Variants in ALK observed in about 807,000 individuals in gnomAD.
ALK encodes the protein ALK receptor tyrosine kinase.
In ALK, 74 loss-of-function variants were observed where a neutral mutation model predicts 163.1. The observed-to-expected ratio is 0.45, with a 90% CI of 0.38 to 0.55. ALK has a LOEUF of 0.55. ALK is among the 20% of genes least tolerant of loss of function. The pLI is 0.00. For synonymous variants in ALK, 960 were observed against 843.2 expected (o/e 1.14, Z -2.40); for missense variants, 2,063 against 2,105.3 (o/e 0.98, Z 0.39).
chr2:29,265,356 C>T (rs967685575), intron 11 of ALK, among the ~76,000 whole-genome samples: 1 of 152,134 alleles, frequency 6.6e-6, no homozygotes, highest in African/African-American at 2.4e-5. Context: ...AGTCCTACTC[C>T]TTAGCAGCGT....
At chr2:29,248,149 G>A (rs1348431973) in intron 12 of ALK, among the ~76,000 whole-genome samples, 3 of 152,084 alleles carry the variant, frequency 2.0e-5, no homozygotes, top group African/African-American at 7.2e-5. Flanking sequence ...ATCTGTTAGA[G>A]CCTTTATTTG....
chr2:29,856,176 TG>T (rs2148403843), intron 1 of ALK, among the ~76,000 whole-genome samples: 1 of 152,260 alleles, frequency 6.6e-6, no homozygotes, highest in South Asian at 2.1e-4. Context: ...AGAAAAAACT[TG>T]GGGTTGAATT....
intron 4 of ALK, among the ~76,000 whole-genome samples, chr2:29,524,391 G>A (rs77659238): frequency 0.015 from 2,318 of 152,312 alleles, 34 homozygotes; most frequent in Non-Finnish European, 0.02. Flanking sequence ...CAGGCGTGAC[G>A]CCAAGGTTCA....
chr2:29,404,795 T>C (rs1429827060), intron 4 of ALK, among the ~76,000 whole-genome samples: 2 of 152,130 alleles, frequency 1.3e-5, no homozygotes, highest in African/African-American at 4.8e-5. Flanking sequence ...CAGTGCAGCA[T>C]GGGACAGGAT....
intron 4 of ALK, among the ~76,000 whole-genome samples, chr2:29,402,089 A>G (rs1051689100): frequency 2.6e-5 from 4 of 152,188 alleles, no homozygotes; most frequent in Non-Finnish European, 4.4e-5. Flanking sequence ...GGAGGAAGGG[A>G]AGGCAGACTT....
At chr2:29,276,693 C>T (rs1665556365) in intron 9 of ALK, among the ~76,000 whole-genome samples, 2 of 152,216 alleles carry the variant, frequency 1.3e-5, no homozygotes, top group African/African-American at 2.4e-5. Flanking sequence ...GGATGGACCT[C>T]AAAGACGTGA....
chr2:29,285,149 A>C (rs1024091986), intron 9 of ALK, among the ~76,000 whole-genome samples: 1 of 152,212 alleles, frequency 6.6e-6, no homozygotes, highest in African/African-American at 2.4e-5. Flanking sequence ...TGAGCTTCAC[A>C]CTGAGGCTCC....
chr2:29,734,888 C>G (rs1217430074), intron 1 of ALK, among the ~76,000 whole-genome samples: 3 of 151,980 alleles, frequency 2.0e-5, no homozygotes, highest in African/African-American at 7.2e-5. Context: ...CTCAGCACTG[C>G]TGAGGGCAAT....
At chr2:29,372,584 T>A (rs1456889643) in intron 5 of ALK, among the ~76,000 whole-genome samples, 1 of 152,198 alleles carries the variant, frequency 6.6e-6, no homozygotes, top group African/African-American at 2.4e-5. Flanking sequence ...GTATCCCATT[T>A]AATCCTCACA....
chr2:29,392,841 C>T (rs566875128), intron 4 of ALK, among the ~76,000 whole-genome samples: 3 of 152,192 alleles, frequency 2.0e-5, no homozygotes, highest in Non-Finnish European at 2.9e-5. Flanking sequence ...CGTGAAATAC[C>T]CTGTGCCCTC....
At chr2:29,256,191 T>C (rs568734435) in intron 11 of ALK, among the ~76,000 whole-genome samples, 8 of 152,248 alleles carry the variant, frequency 5.3e-5, no homozygotes, top group African/African-American at 1.7e-4. Context: ...GGAGTCAAGG[T>C]GAGCCTTGAT....
rs1625283 is a variant in ALK at position 29,213,767 on chromosome 2, G to T, written c.3743+217C>A. 0.5 allele frequency among the ~76,000 whole-genome samples: 75,711 copies of T among 151,972 alleles called. 19,647 individuals carry two copies. The highest frequency in any genetic ancestry group is 0.89 in the East Asian group (4,617 of 5,176). ...AGGAGGCCAAGGTGGGAGGATTACTGGAGCCCAGAAATTCGAGACCAGCCT... is the reference window on the plus strand; with the variant it reads ...AGGAGGCCAAGGTGGGAGGATTACTTGAGCCCAGAAATTCGAGACCAGCCT... On this transcript the variant is annotated intron_variant, in intron 24 of 28. Coordinates refer to ENST00000389048, the MANE Select transcript of ALK (RefSeq NM_004304.5).
At chr2:29,887,999 G>A (rs953864119) in intron 1 of ALK, among the ~76,000 whole-genome samples, 1 of 152,106 alleles carries the variant, frequency 6.6e-6, no homozygotes, top group Non-Finnish European at 1.5e-5. Context: ...AAGCCCTCTG[G>A]GTACCTTTTC....
At chr2:29,257,748 C>T (rs531162810) in intron 11 of ALK, among the ~76,000 whole-genome samples, 1 of 152,316 alleles carries the variant, frequency 6.6e-6, no homozygotes, top group South Asian at 2.1e-4. Context: ...GAACTAAATG[C>T]CATGGATGCT....
intron 2 of ALK, among the ~76,000 whole-genome samples, chr2:29,715,871 C>T (rs374606594): frequency 3.9e-5 from 6 of 152,172 alleles, no homozygotes; most frequent in East Asian, 3.8e-4. Flanking sequence ...AATCTCCTGA[C>T]GACCACTGAT....
rs553262629 is a variant in ALK, at chr2:29,221,744, G to T, written c.3515+600C>A. On this transcript the variant is annotated intron_variant, in intron 22 of 28. Transcript: ENST00000389048. ...GCCCCCACCTGTCAGGACGTTCAGA[G>T]TCTTCCCAGTGTGACAGGGGGCCAT... Among the ~76,000 whole-genome samples the T allele has an allele frequency of 2.5e-4, 38 of 152,300 alleles. 1 individual carries two copies. The highest frequency in any genetic ancestry group is 3.4e-3 in the Middle Eastern group (1 of 294).
intron 1 of ALK, 69 bp from the exon 2 acceptor site, chr2:29,717,766 T>G: frequency 6.2e-7 from 1 of 1,607,406 alleles, no homozygotes; most frequent in Admixed American, 1.7e-5. Flanking sequence ...TCACTCAATA[T>G]CAGTCAAAAA....
chr2:29,709,022 C>T (rs1678994427), intron 2 of ALK, among the ~76,000 whole-genome samples: 1 of 152,196 alleles, frequency 6.6e-6, no homozygotes, highest in Admixed American at 6.5e-5. Flanking sequence ...ATTTTTCTCA[C>T]TCTTGATCAG....
intron 4 of ALK, among the ~76,000 whole-genome samples, chr2:29,396,836 G>GATTTTTTTT (rs1669318617): frequency 2.1e-5 from 1 of 46,604 alleles, no homozygotes; most frequent in Non-Finnish European, 3.5e-5. Flanking sequence ...TGTTACTATG[G>GATTTTTTTT]TTTTTTTTTT....
Sources: allele counts gnomAD v4.1 joint callset (sites outside exome capture counted in the v4.1 genomes callset), GRCh38; gene constraint gnomAD v4.1.1; transcripts MANE v1.5; gene names NCBI Gene and HGNC (gene_info 2026-07-23, HGNC 2026-07-21).